The following PTBP3 variants were observed in gnomAD, a reference collection of about 807,000 sequenced individuals.
PTBP3 encodes the protein polypyrimidine tract-binding protein 3.
Under a neutral mutation model 58.7 loss-of-function variants are expected in PTBP3, and 20 were observed. The ratio of observed to expected loss-of-function variants is 0.34; its 90% CI spans 0.24 to 0.50. The LOEUF is 0.50. Ranked by LOEUF, PTBP3 falls within the 20% of genes least tolerant of loss-of-function variation. The pLI is 0.98. For synonymous variants in PTBP3, 185 were observed against 219.8 expected (o/e 0.84, Z 1.40); for missense variants, 509 against 637.2 (o/e 0.80, Z 2.17).
At chr9:112,225,771 A>G (rs1393249517) in intron 12 of PTBP3, among the ~76,000 whole-genome samples, 2 of 152,156 alleles carry the variant, frequency 1.3e-5, no homozygotes, top group African/African-American at 4.8e-5. Flanking sequence ...AAAGCTAACA[A>G]CAGAGCTGGG....
chr9:112,371,532 T>G, the PTBP3 span, among the ~76,000 whole-genome samples: 1 of 152,120 alleles, frequency 6.6e-6, no homozygotes, highest in African/African-American at 2.4e-5. Flanking sequence ...AAAATAAACT[T>G]ATTAGAGCAC....
chr9:112,228,718 C>A (rs1229947270), intron 10 of PTBP3, among the ~76,000 whole-genome samples: 1 of 152,152 alleles, frequency 6.6e-6, no homozygotes, highest in African/African-American at 2.4e-5. Context: ...TTCCTCTCCC[C>A]ACTCCCAGTG....
the PTBP3 span, among the ~76,000 whole-genome samples, chr9:112,357,157 C>T: frequency 6.6e-6 from 1 of 152,110 alleles, no homozygotes; most frequent in South Asian, 2.1e-4. Context: ...GTTGAGATTA[C>T]AGGCATGAGC....
At chr9:112,322,434 T>A (rs1829993755) in intron 1 of PTBP3, among the ~76,000 whole-genome samples, 1 of 152,106 alleles carries the variant, frequency 6.6e-6, no homozygotes, top group African/African-American at 2.4e-5. Context: ...ATCAAAAGGC[T>A]ATGGAATGCT....
chr9:112,319,745 T>C (rs899932784), intron 1 of PTBP3, among the ~76,000 whole-genome samples: 2 of 152,210 alleles, frequency 1.3e-5, no homozygotes, highest in African/African-American at 4.8e-5. Context: ...TGCAGAATTA[T>C]TCACAATAGC....
chr9:112,249,693 C>A (rs1391993863), intron 7 of PTBP3, among the ~76,000 whole-genome samples: 1 of 152,030 alleles, frequency 6.6e-6, no homozygotes, highest in Admixed American at 6.6e-5. Flanking sequence ...AAATTCTTAA[C>A]ATATTTTTAA....
intron 1 of PTBP3, among the ~76,000 whole-genome samples, chr9:112,312,829 A>G (rs151280181): frequency 5.3e-5 from 8 of 152,232 alleles, no homozygotes; most frequent in Non-Finnish European, 1.0e-4. Flanking sequence ...ACATCACTTG[A>G]GTCCAGGAGT....
At chr9:112,300,903 G>A (rs188380358) in intron 1 of PTBP3, among the ~76,000 whole-genome samples, 24 of 152,144 alleles carry the variant, frequency 1.6e-4, no homozygotes, top group Non-Finnish European at 2.9e-4. Context: ...CAAGACCAAC[G>A]TGGGCAACAT....
At chr9:112,336,521 C>T (rs1830578820), upstream of PTBP3, among the ~76,000 whole-genome samples, 1 of 40,826 alleles carries the variant, frequency 2.4e-5, no homozygotes, top group Admixed American at 2.7e-4. Context: ...TGGCTCACAC[C>T]TGTAAATCAC....
In PTBP3 at chr9:112,290,715, C is replaced by CAA. The variant is rs1245349995; in HGVS notation, c.34+7116_34+7117insTT. Among the ~76,000 whole-genome samples the CAA allele has an allele frequency of 2.6e-4, 36 of 140,168 alleles. 2 individuals are homozygous for CAA. Among genetic ancestry groups the CAA allele is most frequent in the South Asian group, 1.7e-3 (7 of 4,042 alleles). 92.0% of individuals were successfully genotyped at this position (140,168 alleles called of 152,430 possible). On this transcript the variant is annotated intron_variant, in intron 2 of 13. Transcript: ENST00000374257. ...ATATATATATATATATATACACACACACACACACACACACACACACACAAT... is the reference window on the plus strand; with the variant it reads ...ATATATATATATATATATACACACACAAACACACACACACACACACACACAAT...
chr9:112,252,225 A>G (rs900746544), intron 6 of PTBP3: 1 of 154,732 alleles, frequency 6.5e-6, no homozygotes, highest in African/African-American at 2.4e-5. Context: ...AAATGGTGAA[A>G]TCAATCTCTG....
rs1191281195 is a variant in PTBP3 at position 112,287,533 on chromosome 9, G to GA, written c.34+10298_34+10299insT. ...TTTTTGTATTTTTAGTAGAGAAGGG[G>GA]TTTCACCATGTTGGTCAGGCTGGTC... is the stretch of plus-strand genomic sequence containing the variant. On this transcript the variant is annotated intron_variant, in intron 2 of 13. Transcript: ENST00000374257. 1.4e-3 allele frequency among the ~76,000 whole-genome samples: 205 copies of GA among 151,756 alleles called. 2 individuals are homozygous for GA. Among genetic ancestry groups the GA allele is most frequent in the Non-Finnish European group, 5.0e-4 (34 of 67,920 alleles).
intron 7 of PTBP3, among the ~76,000 whole-genome samples, chr9:112,248,884 C>T (rs1451805374): frequency 6.6e-6 from 1 of 152,036 alleles, no homozygotes; most frequent in Non-Finnish European, 1.5e-5. Flanking sequence ...ATAAACAAAC[C>T]ATGATCTATT....
the PTBP3 span, chr9:112,362,622 T>C: frequency 6.5e-6 from 1 of 154,364 alleles, no homozygotes; most frequent in East Asian, 1.9e-4. Flanking sequence ...ACCCTTATGT[T>C]TTCTTTCAAG....
chr9:112,336,918 C>T (rs1207879448), upstream of PTBP3, among the ~76,000 whole-genome samples: 1 of 152,194 alleles, frequency 6.6e-6, no homozygotes, highest in African/African-American at 2.4e-5. Flanking sequence ...CAATGTCCAG[C>T]TTTACAACAG....
chr9:112,329,649 T>C (rs1452093205), intron 1 of PTBP3, among the ~76,000 whole-genome samples: 1 of 152,126 alleles, frequency 6.6e-6, no homozygotes, highest in Non-Finnish European at 1.5e-5. Flanking sequence ...TCTAAAGCTA[T>C]TTTTTCACCT....
Position 112,218,685 on chromosome 9 carries a change from T to A in PTBP3, c.*5166A>T, listed in dbSNP as rs1034847319. On this transcript the variant is annotated 3_prime_UTR_variant, in exon 14 of 14. Coordinates refer to ENST00000374257, the MANE Select transcript of PTBP3 (RefSeq NM_001163788.4). Reference sequence around the variant, plus strand: ...ACTTCAACAATCACAGACTCCTTTTTTTCCAATGCCACAGACTGTTACAAA... The same window carrying A: ...ACTTCAACAATCACAGACTCCTTTTATTCCAATGCCACAGACTGTTACAAA... 2 of 152,662 alleles carry A rather than the reference T, an allele frequency of 1.3e-5. No homozygotes were observed. The highest frequency in any genetic ancestry group is 6.6e-5 in the Admixed American group (1 of 15,264). The allele number at this position is 152,662 out of a possible 1,614,324, so 9.5% of individuals were successfully genotyped here. A position where few individuals can be genotyped will look rare whatever the true frequency, so the allele number is the denominator to read the frequency against.
At chr9:112,302,094 T>C (rs997297274) in intron 1 of PTBP3, among the ~76,000 whole-genome samples, 1 of 151,792 alleles carries the variant, frequency 6.6e-6, no homozygotes, top group Non-Finnish European at 1.5e-5. Context: ...CCTTCAAAGA[T>C]AAGCAGAACA....
intron 7 of PTBP3, among the ~76,000 whole-genome samples, chr9:112,249,841 A>C (rs1037793569): frequency 6.6e-6 from 1 of 151,610 alleles, no homozygotes; most frequent in African/African-American, 2.4e-5. Context: ...TTTTGCACCA[A>C]ATATTTCTAT....
Sources: gnomAD v4.1 joint callset for allele counts (sites outside exome capture counted in the v4.1 genomes callset) on GRCh38, gnomAD v4.1.1 for gene constraint, MANE v1.5 for transcripts, NCBI Gene and HGNC (gene_info 2026-07-23, HGNC 2026-07-21) for gene names.